Variants in SH3TC1 observed in about 807,000 individuals in gnomAD.
SH3TC1 encodes the protein SH3 domain and tetratricopeptide repeat-containing protein 1.
SH3TC1 carries 135 observed loss-of-function variants against 117.3 expected under a neutral mutation model. That is an observed-to-expected ratio of 1.15 (90% CI 1.00 to 1.33). The LOEUF (loss-of-function observed/expected upper bound fraction) is 1.33, where lower values mean the gene tolerates loss of function less well. Ranked by LOEUF, SH3TC1 falls within the 40% of genes most tolerant of loss-of-function variation. The pLI is 0.00. For missense variants in SH3TC1, 2,092 were observed against 1,794.3 expected (o/e 1.17, Z -3.00); for synonymous variants, 898 against 816.9 (o/e 1.10, Z -1.69).
rs758648300 is a variant in SH3TC1, at chr4:8,228,593, G to A, written c.2899G>A (p.Gly967Ser). 1.3e-6 allele frequency: 2 copies of A among 1,569,302 alleles called. No individual in the cohort carries two copies. The highest frequency in any genetic ancestry group is 1.8e-5 in the Admixed American group (1 of 54,402). ...TRQGPAQQGK[G>S]YYEWALLVAV... is the part of the protein sequence containing the mutation. ...CCAGGGCCCGGCCCAGCAGGGCAAGGGCTACTACGAGTGGGCCCTTCTGGT... is the reference window on the plus strand; with the variant it reads ...CCAGGGCCCGGCCCAGCAGGGCAAGAGCTACTACGAGTGGGCCCTTCTGGT... Residue 967 changes from glycine to serine, a missense_variant, in exon 12 of 18, where the codon GGC (glycine) becomes AGC (serine). Coordinates refer to ENST00000245105, the MANE Select transcript of SH3TC1 (RefSeq NM_018986.5).
In SH3TC1 at chr4:8,210,977, T is replaced by C. The variant is rs1718620154; in HGVS notation, c.247+1155T>C. The stretch of plus-strand genomic sequence containing the variant: ...ATTCAAAGGTGTGAGAATCCATCTC[T>C]GTCTCTGTCTCATTTCCATCTGTCT... On this transcript the variant is annotated intron_variant, in intron 3 of 17. Coordinates refer to ENST00000245105, the MANE Select transcript of SH3TC1 (RefSeq NM_018986.5). The surrounding 1 kb of genome is among the most constrained non-coding windows in gnomAD (Gnocchi z 4.1). Among the ~76,000 whole-genome samples the C allele has an allele frequency of 6.6e-6, 1 of 151,762 alleles. No individual in the cohort carries two copies. The highest frequency in any genetic ancestry group is 2.1e-4 in the South Asian group (1 of 4,818).
intron 14 of SH3TC1, 57 bp from the exon 15 acceptor site, chr4:8,235,376 G>T: frequency 7.1e-7 from 1 of 1,411,998 alleles, no homozygotes; most frequent in Non-Finnish European, 9.3e-7. Context: ...TCCGACCTGG[G>T]TGGGCGTGGC....
At chr4:8,235,890 C>CCCAGGG (rs1157089756) in intron 15 of SH3TC1, 2 of 363,494 alleles carry the variant, frequency 5.5e-6, no homozygotes, top group East Asian at 4.9e-5. Context: ...CAGTGGGAGG[C>CCCAGGG]CCAGGGCCAG....
intron 1 of SH3TC1, among the ~76,000 whole-genome samples, chr4:8,203,823 C>T (rs554132999): frequency 1.3e-5 from 2 of 152,292 alleles, no homozygotes; most frequent in South Asian, 2.1e-4. Context: ...CAGCTGCGTC[C>T]TCTGTCCCTG....
Position 8,228,537 on chromosome 4 carries a change from T to C in SH3TC1, c.2843T>C (p.Val948Ala). The C allele has an allele frequency of 2.5e-6, 4 of 1,610,840 alleles. No homozygotes were observed. The highest frequency in any genetic ancestry group is 3.4e-6 in the Non-Finnish European group (4 of 1,179,324). Residue 948 changes from valine to alanine, a missense_variant, in exon 12 of 18, where the codon GTG becomes GCG. Coordinates refer to ENST00000245105, the MANE Select transcript of SH3TC1 (RefSeq NM_018986.5). ...GAGTGTGGCCGGGACTTCACCCACG[T>C]GCTCCTGCAGCTGGGCCATCTCTGC... ...LGECGRDFTH[V>A]LLQLGHLCTR...
chr4:8,217,568 A>T (rs1367473811), intron 7 of SH3TC1, among the ~76,000 whole-genome samples: 1 of 152,236 alleles, frequency 6.6e-6, no homozygotes, highest in Non-Finnish European at 1.5e-5. Context: ...ACTCCTGTTC[A>T]CTTGCTGAAG....
chr4:8,194,017 G>A (rs1041916952), intron 1 of SH3TC1, among the ~76,000 whole-genome samples: 1 of 152,208 alleles, frequency 6.6e-6, no homozygotes, highest in African/African-American at 2.4e-5. Flanking sequence ...CCACCCGTGC[G>A]GGAGGTAGAA....
chr4:8,227,506 C>CGCCAACCTG lies in SH3TC1; in HGVS notation c.1817_1825dup (p.Asn606_Ala608dup), dbSNP rs1720599895. ...ACCTGTTCCTAGTGGTGGCTGTGTA[C>CGCCAACCTG]GCCAACCTGGCCAGCATTTACCGGA... On this transcript the variant is annotated inframe_insertion, in exon 12 of 18. Coordinates refer to ENST00000245105, the MANE Select transcript of SH3TC1 (RefSeq NM_018986.5). The CGCCAACCTG allele has an allele frequency of 6.4e-7, 1 of 1,553,502 alleles. No individual in the cohort carries two copies. The highest frequency in any genetic ancestry group is 8.7e-7 in the Non-Finnish European group (1 of 1,155,774).
chr4:8,216,935 G>T, intron 6 of SH3TC1, 22 bp from the exon 7 acceptor site: 1 of 1,613,460 alleles, frequency 6.2e-7, no homozygotes, highest in South Asian at 1.1e-5. Context: ...CACCCTCAGT[G>T]ACCACCTCCA....
In SH3TC1 at chr4:8,237,628, G is replaced by A. The variant is rs1438099106; in HGVS notation, c.3711G>A (p.Lys1237=). 6.2e-7 allele frequency: 1 copy of A among 1,611,222 alleles called. No homozygotes were observed. The highest frequency in any genetic ancestry group is 1.3e-5 in the African/African-American group (1 of 74,868). ...EFDEETLYYV[K]VYLVLGDIIF... is the part of the protein sequence containing the mutation. ...ACGAGGAGACCCTCTACTACGTGAA[G>A]GTGTACCTGGTGCTCGGTGACATCA... The change falls in exon 17 of 18, where the codon AAG becomes AAA. Residue 1237 remains lysine, a synonymous_variant. Coordinates refer to ENST00000245105, the MANE Select transcript of SH3TC1 (RefSeq NM_018986.5).
At chr4:8,231,664 C>A in intron 12 of SH3TC1, 1 of 387,376 alleles carries the variant, frequency 2.6e-6, no homozygotes. Flanking sequence ...GTGTCCCTGG[C>A]CTCGTCAGCT....
chr4:8,235,933 C>T (rs972934482), intron 15 of SH3TC1: 3 of 364,722 alleles, frequency 8.2e-6, no homozygotes, highest in African/African-American at 4.2e-5. Flanking sequence ...GAAGCGGGGA[C>T]GGCTTCCCCC....
chr4:8,216,900 G>A, intron 6 of SH3TC1, 57 bp from the exon 7 acceptor site: 1 of 1,569,624 alleles, frequency 6.4e-7, no homozygotes, highest in Middle Eastern at 1.7e-4. Context: ...GTGGGGGGCA[G>A]GGCCACAGCT....
In SH3TC1 at chr4:8,206,831, T is replaced by TTGTGTG. The variant is rs1350102898; in HGVS notation, c.172+1465_172+1466insTGTGTG. On this transcript the variant is annotated intron_variant, in intron 2 of 17. Transcript: ENST00000245105. The surrounding 1 kb of genome is among the most constrained non-coding windows in gnomAD (Gnocchi z 5.5). ...TAGGACTTTTACTTTGTGTGTGTAC[T>TTGTGTG]CGTGTGTGTGTGTGTGTGTGTGTGT... Among the ~76,000 whole-genome samples the TTGTGTG allele has an allele frequency of 7.4e-6, 1 of 135,136 alleles. No individual in the cohort carries two copies. The highest frequency in any genetic ancestry group is 3.0e-5 in the African/African-American group (1 of 33,526). The allele number at this position is 135,136 out of a possible 152,430, so 88.7% of individuals were successfully genotyped here.
At chr4:8,189,403 C>T (rs73798644) in intron 1 of SH3TC1, among the ~76,000 whole-genome samples, 19,219 of 152,272 alleles carry the variant, frequency 0.13, 1,421 homozygotes, top group African/African-American at 0.14. Flanking sequence ...CTGGCCGGGC[C>T]GGCGGCCGGG....
intron 9 of SH3TC1, 146 bp from the exon 10 acceptor site, chr4:8,222,694 G>T: frequency 2.9e-6 from 3 of 1,047,346 alleles, no homozygotes; most frequent in Non-Finnish European, 2.7e-6. Flanking sequence ...TGTTGTTGTT[G>T]TTTTTAAATC....
upstream of SH3TC1, among the ~76,000 whole-genome samples, chr4:8,194,740 C>T (rs1029766722): frequency 3.9e-5 from 6 of 152,182 alleles, no homozygotes; most frequent in Admixed American, 2.0e-4. Flanking sequence ...AGAGGACGGT[C>T]GTTGCTTTCC....
At chr4:8,196,181 C>G (rs1197739818), upstream of SH3TC1, among the ~76,000 whole-genome samples, 3 of 152,228 alleles carry the variant, frequency 2.0e-5, no homozygotes. The surrounding 1 kb of genome is among the most constrained non-coding windows in gnomAD (Gnocchi z 4.6). Flanking sequence ...CTAATTTAAT[C>G]TTTACGATGA....
intron 14 of SH3TC1, among the ~76,000 whole-genome samples, chr4:8,233,845 ATCCT>A (rs1008897691): frequency 5.4e-5 from 8 of 149,306 alleles, no homozygotes; most frequent in Admixed American, 4.6e-4. Flanking sequence ...TCAGGCATCC[ATCCT>A]TCCATCATCC....
Sources: gnomAD v4.1 joint callset for allele counts (sites outside exome capture counted in the v4.1 genomes callset) on GRCh38, gnomAD v4.1.1 for gene constraint, Gnocchi (gnomAD v3.1) non-coding constraint, MANE v1.5 for transcripts, NCBI Gene and HGNC (gene_info 2026-07-23, HGNC 2026-07-21) for gene names.